PLXDC1: variants seen among roughly 807,000 people sequenced by gnomAD.
PLXDC1 encodes plexin domain containing 1, also known as plexin domain-containing protein 1.
In PLXDC1, 39 loss-of-function variants were observed where a neutral mutation model predicts 61.3. The observed-to-expected ratio is 0.64, with a 90% CI of 0.49 to 0.83. PLXDC1 has a LOEUF of 0.83. PLXDC1 is among the 40% of genes least tolerant of loss of function. The pLI is 0.00. For missense variants in PLXDC1, 596 were observed against 666.5 expected (o/e 0.89, Z 1.17); for synonymous variants, 212 against 254.5 (o/e 0.83, Z 1.59).
intron 1 of PLXDC1, among the ~76,000 whole-genome samples, chr17:39,150,066 C>T (rs949018306): frequency 3.9e-5 from 6 of 152,126 alleles, no homozygotes; most frequent in South Asian, 2.1e-4. Context: ...AAAAATAGGT[C>T]CAGAGAGAGA....
rs912467346 is a variant in PLXDC1, at chr17:39,105,912, A to G, written c.753T>C (p.Pro251=). Residue 251 remains proline (P), a synonymous_variant, in exon 7 of 14, where the codon CCT becomes CCC. Coordinates refer to ENST00000315392, the MANE Select transcript of PLXDC1 (RefSeq NM_020405.5). ...AGGCATCCGATAGGCCGGTTTTGACAGGATGCTGGGAGGAGCTGATTTCCG... is the reference window on the plus strand; with the variant it reads ...AGGCATCCGATAGGCCGGTTTTGACGGGATGCTGGGAGGAGCTGATTTCCG... ...SVPEISSSQH[P]VKTGLSDAFM... is the part of the protein sequence containing the mutation. 5.0e-6 allele frequency: 8 copies of G among 1,614,028 alleles called. No homozygotes were observed. Among genetic ancestry groups the G allele is most frequent in the Non-Finnish European group, 5.9e-6 (7 of 1,179,894 alleles).
At chr17:39,068,103 T>C in intron 13 of PLXDC1, 144 bp from the exon 14 acceptor site, 1 of 687,922 alleles carries the variant, frequency 1.5e-6, no homozygotes, top group Non-Finnish European at 2.4e-6. Flanking sequence ...ACAACTGACC[T>C]TCAGGGACCC....
intron 7 of PLXDC1, among the ~76,000 whole-genome samples, chr17:39,097,901 A>T (rs1044133791): frequency 2.6e-5 from 2 of 77,626 alleles, no homozygotes; most frequent in Non-Finnish European, 3.0e-5. Context: ...GACCCTGTCT[A>T]TAAAAAAAAA....
intron 8 of PLXDC1, among the ~76,000 whole-genome samples, chr17:39,086,448 C>G (rs1262615933): frequency 2.0e-5 from 3 of 152,172 alleles, no homozygotes; most frequent in African/African-American, 4.8e-5. Flanking sequence ...TTCTCCACCC[C>G]CTGCTCTCAG....
At position 39,109,248 on chromosome 17, in the gene PLXDC1, C is replaced by T. The variant is rs755210443; in HGVS notation, c.399G>A (p.Ser133=). 1.9e-5 allele frequency: 30 copies of T among 1,604,020 alleles called. No individual in the cohort carries two copies. The highest frequency in any genetic ancestry group is 2.4e-5 in the Non-Finnish European group (28 of 1,174,104). ...CATGGCTGGCGACTGGGGCACTCAC[C>T]GAAGCCTGCCGGTGGGTGTTGGAGA... ...TILSNTHRQA[S]RVVLSFDFPF... is the part of the protein sequence containing the mutation. The change falls in exon 3 of 14, where the codon TCG becomes TCA. Residue 133 remains serine, a splice_region_variant and synonymous_variant. Coordinates refer to ENST00000315392, the MANE Select transcript of PLXDC1 (RefSeq NM_020405.5).
rs1393422598 is a variant in PLXDC1, at chr17:39,107,408, T to C, written c.710A>G (p.Glu237Gly). ...HDGRIVFAYKEIPMSVPEISS... is the reference protein window; with the variant it reads ...HDGRIVFAYKGIPMSVPEISS... ...GTCTCTGCAGCTGGGCCCACTCACC[T>C]CTTTATAGGCAAAGACAATGCGGCC... is the stretch of plus-strand genomic sequence containing the variant. Residue 237 changes from glutamate to glycine, a missense_variant and splice_region_variant, in exon 6 of 14, where the codon GAG becomes GGG. Glu to Gly is a moderately conservative substitution (Grantham distance 98, BLOSUM62 -2). Transcript: ENST00000315392. 3 of 1,589,342 alleles carry C rather than the reference T, an allele frequency of 1.9e-6. No individual in the cohort carries two copies. The highest frequency in any genetic ancestry group is 2.6e-6 in the Non-Finnish European group (3 of 1,162,226).
At chr17:39,102,807 C>T (rs1161645560) in intron 7 of PLXDC1, among the ~76,000 whole-genome samples, 1 of 151,762 alleles carries the variant, frequency 6.6e-6, no homozygotes, top group African/African-American at 2.4e-5. Context: ...CCCTTTGCCT[C>T]CAGGGAGGAG....
At chr17:39,096,761 T>C (rs1035613538) in intron 7 of PLXDC1, 3 of 361,002 alleles carry the variant, frequency 8.3e-6, no homozygotes, top group Non-Finnish European at 1.1e-5. Flanking sequence ...AGTTTCGATG[T>C]TGGCAATGCT....
intron 7 of PLXDC1, among the ~76,000 whole-genome samples, chr17:39,095,169 T>C (rs56027709): frequency 0.51 from 76,233 of 150,294 alleles, 19,546 homozygotes; most frequent in East Asian, 0.64. Context: ...CAGCCAGGGA[T>C]GCCAGCTGTC....
chr17:39,116,235 G>A (rs71369713), intron 2 of PLXDC1, among the ~76,000 whole-genome samples: 5 of 152,206 alleles, frequency 3.3e-5, no homozygotes, highest in Admixed American at 2.6e-4. Context: ...ACAGCTCTCC[G>A]GGAAGGTGAC....
intron 1 of PLXDC1, among the ~76,000 whole-genome samples, chr17:39,144,072 G>T (rs1036277398): frequency 6.6e-6 from 1 of 152,152 alleles, no homozygotes; most frequent in Non-Finnish European, 1.5e-5. Flanking sequence ...GGATCTTCAG[G>T]ATTCACAAAC....
At chr17:39,069,363 A>C (rs11654947) in intron 13 of PLXDC1, among the ~76,000 whole-genome samples, 8,600 of 152,176 alleles carry the variant, frequency 0.057, 346 homozygotes, top group Non-Finnish European at 0.083. Flanking sequence ...TTGGTTTCTC[A>C]AAGTGCTAGG....
In PLXDC1 at chr17:39,066,333, G is replaced by C. The variant is rs1908896840; in HGVS notation, c.*1507C>G. ...GGTTGGGGTAAAGCCCTTGATGCAG[G>C]CTGTAACATGTTTTGATGCAGAAGT... On this transcript the variant is annotated 3_prime_UTR_variant, in exon 14 of 14. Coordinates refer to ENST00000315392, the MANE Select transcript of PLXDC1 (RefSeq NM_020405.5). The C allele has an allele frequency of 6.6e-6, 1 of 152,270 alleles. No individual in the cohort carries two copies. The highest frequency in any genetic ancestry group is 1.5e-5 in the Non-Finnish European group (1 of 68,062). The allele number at this position is 152,270 out of a possible 1,614,324, so 9.4% of individuals were successfully genotyped here. A position where few individuals can be genotyped will look rare whatever the true frequency, so the allele number is the denominator to read the frequency against.
chr17:39,151,522 G>C lies in PLXDC1; in HGVS notation c.-85C>G, dbSNP rs1008918374. 1.6e-6 allele frequency: 2 copies of C among 1,223,394 alleles called. No homozygotes were observed. Among genetic ancestry groups the C allele is most frequent in the Admixed American group, 8.6e-5 (2 of 23,304 alleles). The allele number at this position is 1,223,394 out of a possible 1,614,324, so 75.8% of individuals were successfully genotyped here. ...GCCCTGGCTCAGGCTGCGGCCGCGC[G>C]GTCCCCGGGGCTGGCGGAGGGGCGG... is the stretch of plus-strand genomic sequence containing the variant. On this transcript the variant is annotated 5_prime_UTR_variant, in exon 1 of 14. Transcript: ENST00000315392. The surrounding 1 kb of genome is among the most constrained non-coding windows in gnomAD (Gnocchi z 5.2).
At chr17:39,116,084 C>CT (rs1231835730) in intron 2 of PLXDC1, among the ~76,000 whole-genome samples, 2 of 152,176 alleles carry the variant, frequency 1.3e-5, no homozygotes, top group Non-Finnish European at 2.9e-5. Context: ...CGCCACTGCA[C>CT]TCCAGCCTGG....
At chr17:39,143,259 G>A (rs1183691713) in intron 1 of PLXDC1, among the ~76,000 whole-genome samples, 1 of 152,106 alleles carries the variant, frequency 6.6e-6, no homozygotes, top group Non-Finnish European at 1.5e-5. Flanking sequence ...GTATATATGA[G>A]AACAGACCAT....
chr17:39,077,855 G>A, intron 11 of PLXDC1, 58 bp downstream of exon 11: 4 of 1,589,250 alleles, frequency 2.5e-6, no homozygotes, highest in South Asian at 1.1e-5. Flanking sequence ...GCCCCAGAGG[G>A]GTGGGTAGCT....
intron 2 of PLXDC1, among the ~76,000 whole-genome samples, chr17:39,125,894 T>G (rs1346353819): frequency 6.6e-6 from 1 of 152,174 alleles, no homozygotes; most frequent in Non-Finnish European, 1.5e-5. Context: ...TGTTGATACA[T>G]TTTCCATATC....
At chr17:39,106,016 C>T in intron 6 of PLXDC1, 63 bp from the exon 7 acceptor site, 1 of 1,083,290 alleles carries the variant, frequency 9.2e-7, no homozygotes, top group Non-Finnish European at 1.4e-6. Flanking sequence ...CCAGCCCTCC[C>T]CTGTGAGCTC....
Sources: gnomAD v4.1 joint callset for allele counts (sites outside exome capture counted in the v4.1 genomes callset) on GRCh38, gnomAD v4.1.1 for gene constraint, Gnocchi (gnomAD v3.1) non-coding constraint, MANE v1.5 for transcripts, NCBI Gene and HGNC (gene_info 2026-07-23, HGNC 2026-07-21) for gene names.